The following ZHX2 variants were observed in gnomAD, a reference collection of about 807,000 sequenced individuals.
The protein encoded by ZHX2 is zinc fingers and homeoboxes protein 2.
ZHX2 carries 6 observed loss-of-function variants against 21.9 expected under a neutral mutation model. The observed-to-expected ratio is 0.27, with a 90% CI of 0.15 to 0.54. ZHX2 has a LOEUF of 0.54. Among genes scored for constraint, ZHX2 ranks in the 20% least tolerant of loss-of-function variants. The pLI is 0.95. For synonymous variants in ZHX2, 434 were observed against 437.1 expected (o/e 0.99, Z 0.09); for missense variants, 908 against 1,090.7 (o/e 0.83, Z 2.36).
chr8:122,848,572 T>C (rs1030549311), intron 1 of ZHX2, among the ~76,000 whole-genome samples: 2 of 152,206 alleles, frequency 1.3e-5, no homozygotes, highest in African/African-American at 2.4e-5. Flanking sequence ...TGGGTCCCAT[T>C]CACAGGCCTT....
At chr8:122,784,036 TG>T (rs1006942758) in intron 1 of ZHX2, among the ~76,000 whole-genome samples, 3 of 152,250 alleles carry the variant, frequency 2.0e-5, no homozygotes, top group African/African-American at 7.2e-5. Context: ...ACCAAGATTC[TG>T]GGGCACATCA....
chr8:122,968,508 CT>C (rs1813640285), intron 3 of ZHX2, among the ~76,000 whole-genome samples: 2 of 152,190 alleles, frequency 1.3e-5, no homozygotes, highest in Admixed American at 1.3e-4. Flanking sequence ...ACTGTGCCCC[CT>C]ACCCTCAATA....
chr8:122,875,141 A>T (rs1316344914), intron 2 of ZHX2, among the ~76,000 whole-genome samples: 38 of 2,432 alleles, frequency 0.016, 3 homozygotes, highest in African/African-American at 0.04. Context: ...ATATATATAT[A>T]TATATATATA....
At chr8:122,854,888 C>A (rs1818992738) in intron 1 of ZHX2, among the ~76,000 whole-genome samples, 3 of 152,198 alleles carry the variant, frequency 2.0e-5, no homozygotes, top group Admixed American at 2.0e-4. Context: ...CATCATAGCT[C>A]CTCTACATGA....
chr8:122,971,710 A>G (rs1191465532), intron 3 of ZHX2, among the ~76,000 whole-genome samples: 2 of 151,392 alleles, frequency 1.3e-5, no homozygotes, highest in Non-Finnish European at 2.9e-5. Context: ...CCGAGAACCT[A>G]CAGATCTGAA....
intron 2 of ZHX2, among the ~76,000 whole-genome samples, chr8:122,890,835 T>C (rs1819958190): frequency 6.6e-6 from 1 of 152,214 alleles, no homozygotes; most frequent in Admixed American, 6.5e-5. Flanking sequence ...TAAATTCATT[T>C]GTCATTTCTA....
chr8:122,957,464 T>C lies in ZHX2; in HGVS notation c.*4+3436T>C, dbSNP rs986895084. Among the ~76,000 whole-genome samples the C allele has an allele frequency of 1.7e-4, 13 of 77,114 alleles. No individual in the cohort carries two copies. The Admixed American group carries it at 1.7e-3, about 10-fold the overall frequency. 50.6% of individuals were successfully genotyped at this position (77,114 alleles called of 152,430 possible). On this transcript the variant is annotated intron_variant, in intron 3 of 3. Coordinates refer to ENST00000314393, the MANE Select transcript of ZHX2 (RefSeq NM_014943.5). ...CCTGATATTTTGGAGGTCCATTGTT[T>C]TGTTTTGTTTTGTTTTGTTTTGAGA...
chr8:122,847,009 T>C (rs1173609369), intron 1 of ZHX2, among the ~76,000 whole-genome samples: 6 of 152,094 alleles, frequency 3.9e-5, no homozygotes, highest in Admixed American at 1.3e-4. Context: ...GCCTGCAATA[T>C]GAATGTTAGC....
At chr8:122,845,756 C>T (rs901951961) in intron 1 of ZHX2, among the ~76,000 whole-genome samples, 1 of 152,180 alleles carries the variant, frequency 6.6e-6, no homozygotes, top group Admixed American at 6.5e-5. Flanking sequence ...TTACTCTGCC[C>T]ATTTCACAGG....
chr8:122,802,946 C>CA (rs1439960184), intron 1 of ZHX2, among the ~76,000 whole-genome samples: 1 of 152,032 alleles, frequency 6.6e-6, no homozygotes, highest in Non-Finnish European at 1.5e-5. Context: ...CCACTGCCCC[C>CA]ACTCCCACCC....
intron 1 of ZHX2, among the ~76,000 whole-genome samples, chr8:122,813,106 G>A (rs1817963789): frequency 6.6e-6 from 1 of 151,006 alleles, no homozygotes; most frequent in South Asian, 2.1e-4. Flanking sequence ...TGAGGCAGGA[G>A]AATCACTTGA....
At chr8:122,822,800 C>T (rs921041256) in intron 1 of ZHX2, among the ~76,000 whole-genome samples, 6 of 152,370 alleles carry the variant, frequency 3.9e-5, no homozygotes, top group African/African-American at 7.2e-5. Context: ...AGTGGTCCTC[C>T]GGTGGGCGCG....
intron 2 of ZHX2, among the ~76,000 whole-genome samples, chr8:122,949,682 T>C (rs1372264015): frequency 6.6e-6 from 1 of 152,060 alleles, no homozygotes; most frequent in African/African-American, 2.4e-5. Context: ...CTGGACAACA[T>C]GGCAAAACCC....
chr8:122,816,405 C>G (rs1430815400), intron 1 of ZHX2: 1 of 151,586 alleles, frequency 6.6e-6, no homozygotes, highest in African/African-American at 2.4e-5. Flanking sequence ...CTCAATAGCT[C>G]CAAAGTATGC....
intron 1 of ZHX2, among the ~76,000 whole-genome samples, chr8:122,816,163 C>T (rs969399990): frequency 6.6e-6 from 1 of 151,880 alleles, no homozygotes; most frequent in Non-Finnish European, 1.5e-5. Context: ...CAACCATCAC[C>T]AATAAGGCAA....
chr8:122,844,289 C>T (rs1301756573), intron 1 of ZHX2, among the ~76,000 whole-genome samples: 2 of 152,198 alleles, frequency 1.3e-5, no homozygotes, highest in Non-Finnish European at 2.9e-5. Flanking sequence ...CCATCCACAC[C>T]CTCGAAGGCA....
intron 1 of ZHX2, among the ~76,000 whole-genome samples, chr8:122,858,638 CTTTTTTTTT>C (rs34399149): frequency 1.2e-5 from 1 of 82,736 alleles, no homozygotes; most frequent in African/African-American, 4.3e-5. Context: ...TTCTTTCTTT[CTTTTTTTTT>C]TTTTTTTTTT....
At chr8:122,916,632 T>C (rs994376467) in intron 2 of ZHX2, among the ~76,000 whole-genome samples, 1 of 152,228 alleles carries the variant, frequency 6.6e-6, no homozygotes, top group Non-Finnish European at 1.5e-5. Flanking sequence ...GTCTTGCTCT[T>C]CAGGTTTCCT....
At chr8:122,943,309 C>T (rs12677660) in intron 2 of ZHX2, among the ~76,000 whole-genome samples, 5,581 of 152,222 alleles carry the variant, frequency 0.037, 214 homozygotes, top group East Asian at 0.22. Context: ...ATAGGCCCTA[C>T]GCCAGACACA....
Sources: allele counts gnomAD v4.1 joint callset (sites outside exome capture counted in the v4.1 genomes callset), GRCh38; gene constraint gnomAD v4.1.1; transcripts MANE v1.5; gene names NCBI Gene and HGNC (gene_info 2026-07-23, HGNC 2026-07-21).